TBC1D5: variants seen among roughly 807,000 people sequenced by gnomAD.
TBC1D5 encodes TBC1 domain family member 5, also known as TBC1 domain family, member 5.
Under a neutral mutation model 100.3 loss-of-function variants are expected in TBC1D5, and 75 were observed. The observed-to-expected ratio is 0.75, with a 90% confidence interval of 0.62 to 0.91. The LOEUF is 0.91. TBC1D5 is among the 40% of genes least tolerant of loss of function. TBC1D5 has a pLI of 0.00. For synonymous variants in TBC1D5, 323 were observed against 325.6 expected (o/e 0.99, Z 0.09); for missense variants, 910 against 942.4 (o/e 0.97, Z 0.45).
chr3:17,516,749 T>C (rs1683428621), intron 2 of TBC1D5, among the ~76,000 whole-genome samples: 4 of 152,186 alleles, frequency 2.6e-5, no homozygotes, highest in Admixed American at 2.6e-4. Flanking sequence ...AACACAATTA[T>C]AAATGTGGTT....
intron 1 of TBC1D5, among the ~76,000 whole-genome samples, chr3:17,734,606 A>G (rs1325844923): frequency 2.0e-5 from 3 of 152,254 alleles, no homozygotes; most frequent in Admixed American, 1.3e-4. Context: ...ACTTAGCTAC[A>G]TAAAATGTTA....
chr3:17,486,274 C>T (rs1407739393), intron 3 of TBC1D5, among the ~76,000 whole-genome samples: 1 of 151,920 alleles, frequency 6.6e-6, no homozygotes, highest in East Asian at 1.9e-4. Flanking sequence ...AAAATTTTCT[C>T]CCATTTTGTA....
chr3:17,240,140 T>C (rs2076190159), intron 16 of TBC1D5, among the ~76,000 whole-genome samples: 1 of 152,194 alleles, frequency 6.6e-6, no homozygotes, highest in South Asian at 2.1e-4. Context: ...CATAGTTCTA[T>C]AATAAAAAGG....
In TBC1D5 at chr3:17,345,585, A is replaced by G. The variant is rs1463978400; in HGVS notation, c.995+26490T>C. The stretch of plus-strand genomic sequence containing the variant: ...CCATTACTGAGTATATACCCAAAGG[A>G]CTATAAATCATGCTGCTATAAAGAC... On this transcript the variant is annotated intron_variant, in intron 13 of 21. Coordinates refer to ENST00000253692, the Ensembl canonical transcript of TBC1D5. 5.7e-4 allele frequency among the ~76,000 whole-genome samples: 86 copies of G among 151,954 alleles called. 1 individual carries two copies. The highest frequency in any genetic ancestry group is 3.6e-3 in the Admixed American group (55 of 15,260).
chr3:17,695,896 G>A (rs1409644334), intron 1 of TBC1D5, among the ~76,000 whole-genome samples: 2 of 152,140 alleles, frequency 1.3e-5, no homozygotes, highest in Non-Finnish European at 2.9e-5. Context: ...ACAACAAACT[G>A]TCTCTCAGAC....
intron 15 of TBC1D5, among the ~76,000 whole-genome samples, chr3:17,271,427 T>A (rs1035255138): frequency 1.3e-5 from 2 of 152,174 alleles, no homozygotes; most frequent in Non-Finnish European, 2.9e-5. Context: ...TGTACAGATA[T>A]ACTACTGATT....
At chr3:17,369,872 A>G (rs1031111610) in intron 13 of TBC1D5, among the ~76,000 whole-genome samples, 1 of 152,200 alleles carries the variant, frequency 6.6e-6, no homozygotes, top group Admixed American at 6.5e-5. Flanking sequence ...TGAGTAATCT[A>G]TTCTTCAAAG....
chr3:17,214,203 T>C lies in TBC1D5; in HGVS notation c.1752+4A>G. 1 of 1,608,022 alleles carries C rather than the reference T, an allele frequency of 6.2e-7. No homozygotes were observed. The highest frequency in any genetic ancestry group is 8.5e-7 in the Non-Finnish European group (1 of 1,177,738). ...CGAAGAGAAAACTGTCCTTAAATACTTACAGATTCTTTTCTGCCCATAGTT... is the reference window on the plus strand; with the variant it reads ...CGAAGAGAAAACTGTCCTTAAATACCTACAGATTCTTTTCTGCCCATAGTT... On this transcript the variant is annotated splice_donor_region_variant and intron_variant, in intron 18 of 21. Coordinates refer to ENST00000253692, the Ensembl canonical transcript of TBC1D5.
chr3:17,451,582 A>G (rs1365046217), intron 3 of TBC1D5, among the ~76,000 whole-genome samples: 1 of 152,162 alleles, frequency 6.6e-6, no homozygotes, highest in African/African-American at 2.4e-5. Context: ...ACTATTGTGG[A>G]AGACAGTGTG....
chr3:17,374,475 T>C lies in TBC1D5; in HGVS notation c.818A>G (p.Gln273Arg), dbSNP rs141851070. Residue 273 changes from glutamine (Q) to arginine (R), a missense_variant, in exon 12 of 22, where the codon CAG becomes CGG. By Grantham distance (43) the Gln-to-Arg change is conservative (BLOSUM62 1). Transcript: ENST00000253692. Reference sequence around the variant, plus strand: ...GATCTGTACTATAAGATTTACCTTCTGACCATCATGCTCAAAAGTTGAAAA... The same window carrying C: ...GATCTGTACTATAAGATTTACCTTCCGACCATCATGCTCAAAAGTTGAAAA... 798 of 1,611,032 alleles carry C rather than the reference T, an allele frequency of 5.0e-4. 2 individuals are homozygous for C. The highest frequency in any genetic ancestry group is 6.5e-4 in the Non-Finnish European group (766 of 1,178,442).
exon 1 of TBC1D5, chr3:17,739,349 T>G (rs1292147582): frequency 2.0e-5 from 3 of 152,230 alleles, no homozygotes; most frequent in African/African-American, 7.2e-5. Context: ...TTACTTTTAT[T>G]CCGGGGTTGT....
At chr3:17,289,385 C>T (rs572274161) in intron 15 of TBC1D5, among the ~76,000 whole-genome samples, 1 of 152,202 alleles carries the variant, frequency 6.6e-6, no homozygotes, top group East Asian at 1.9e-4. Context: ...AGGTCCCCAG[C>T]TGGCAGAGTG....
intron 2 of TBC1D5, among the ~76,000 whole-genome samples, chr3:17,591,896 C>T (rs1275352472): frequency 6.6e-6 from 1 of 152,172 alleles, no homozygotes; most frequent in Non-Finnish European, 1.5e-5. Context: ...GGTGGTGATT[C>T]CCACTACATC....
chr3:17,618,613 C>T (rs1338818077), intron 2 of TBC1D5, among the ~76,000 whole-genome samples: 1 of 152,210 alleles, frequency 6.6e-6, no homozygotes, highest in Non-Finnish European at 1.5e-5. Flanking sequence ...CAATGGGGGA[C>T]GCCCCTCCCC....
intron 16 of TBC1D5, among the ~76,000 whole-genome samples, chr3:17,240,168 T>C (rs1474178283): frequency 6.6e-6 from 1 of 152,222 alleles, no homozygotes; most frequent in Non-Finnish European, 1.5e-5. Context: ...ACTAGACTTC[T>C]ACCTTCCATA....
chr3:17,685,808 C>A (rs986194266), intron 1 of TBC1D5, among the ~76,000 whole-genome samples: 5 of 152,076 alleles, frequency 3.3e-5, no homozygotes, highest in African/African-American at 1.2e-4. Context: ...GAAATACCTA[C>A]AATATAATAA....
intron 18 of TBC1D5, among the ~76,000 whole-genome samples, chr3:17,187,863 T>C (rs1465300732): frequency 2.0e-5 from 3 of 152,240 alleles, no homozygotes; most frequent in African/African-American, 4.8e-5. Flanking sequence ...CAGTGCTTCT[T>C]GGCTTAAAAA....
At chr3:17,505,854 C>T (rs542798396) in intron 3 of TBC1D5, among the ~76,000 whole-genome samples, 88 of 152,124 alleles carry the variant, frequency 5.8e-4, no homozygotes, top group African/African-American at 2.1e-3. Flanking sequence ...CTGAACAGGG[C>T]ACACAGAAAA....
Position 17,240,795 on chromosome 3 carries a change from A to C in TBC1D5, c.1332-2376T>G, listed in dbSNP as rs143240970. Among the ~76,000 whole-genome samples the C allele has an allele frequency of 1.2e-3, 186 of 152,264 alleles. 1 individual carries two copies. The East Asian group carries it at 0.032, about 27-fold the overall frequency. Reference sequence around the variant, plus strand: ...AATGTTGTTACCCTTTTTTATACAAAAAAAGTACTAGTCAAATTCCCACAT... The same window carrying C: ...AATGTTGTTACCCTTTTTTATACAACAAAAGTACTAGTCAAATTCCCACAT... On this transcript the variant is annotated intron_variant, in intron 16 of 21. Transcript: ENST00000253692.
Sources: allele counts gnomAD v4.1 joint callset (sites outside exome capture counted in the v4.1 genomes callset), GRCh38; gene constraint gnomAD v4.1.1; transcripts MANE v1.5; gene names NCBI Gene and HGNC (gene_info 2026-07-23, HGNC 2026-07-21).